Variants in FHIP1A observed in about 807,000 individuals in gnomAD.
The protein encoded by FHIP1A is FHF complex subunit HOOK-interacting protein 1A.
Under a neutral mutation model 88.6 loss-of-function variants are expected in FHIP1A, and 61 were observed. The observed-to-expected ratio is 0.69, with a 90% CI of 0.56 to 0.85. The LOEUF (loss-of-function observed/expected upper bound fraction) is 0.85. Among genes scored for constraint, FHIP1A ranks in the 40% least tolerant of loss-of-function variants. The probability of loss-of-function intolerance (pLI) is 0.00; values close to 1 mark genes in which losing one functional copy is unlikely to be tolerated. For synonymous variants in FHIP1A, 478 were observed against 496.0 expected (o/e 0.96, Z 0.48); for missense variants, 1,154 against 1,273.5 (o/e 0.91, Z 1.43).
intron 9 of FHIP1A, among the ~76,000 whole-genome samples, chr4:151,641,068 G>A (rs1186972641): frequency 1.3e-5 from 2 of 151,842 alleles, no homozygotes; most frequent in Admixed American, 6.6e-5. Context: ...AAAAAAAAAT[G>A]CCAGACCTGA....
chr4:151,520,617 A>G (rs1370314836), intron 3 of FHIP1A, among the ~76,000 whole-genome samples: 2 of 152,202 alleles, frequency 1.3e-5, no homozygotes, highest in African/African-American at 4.8e-5. Context: ...AACAAAATTC[A>G]AGACAAATAT....
rs1467514339 is a variant in FHIP1A at position 151,604,648 on chromosome 4, A to G, written c.978+15722A>G. Among the ~76,000 whole-genome samples the G allele has an allele frequency of 4.6e-5, 7 of 152,132 alleles. No individual in the cohort carries two copies. The East Asian group carries it at 1.4e-3, about 29-fold the overall frequency. The stretch of plus-strand genomic sequence containing the variant: ...CACATCACCTGAGGTCAGAAGTTTG[A>G]GACCAGCTTGGCCAACACAGTGAAA... On this transcript the variant is annotated intron_variant, in intron 7 of 13. Coordinates refer to ENST00000435205, the MANE Select transcript of FHIP1A (RefSeq NM_001109977.3).
At chr4:151,495,008 C>A (rs1730409421) in intron 3 of FHIP1A, among the ~76,000 whole-genome samples, 1 of 152,130 alleles carries the variant, frequency 6.6e-6, no homozygotes, top group Admixed American at 6.5e-5. Flanking sequence ...GGAAATGCTA[C>A]AGTTTTTTAT....
intron 7 of FHIP1A, among the ~76,000 whole-genome samples, chr4:151,600,967 CA>C (rs1734846189): frequency 6.6e-6 from 1 of 152,180 alleles, no homozygotes; most frequent in Admixed American, 6.5e-5. Context: ...GGGAAGAGGA[CA>C]AAGACCCCAC....
intron 1 of FHIP1A, among the ~76,000 whole-genome samples, chr4:151,413,135 C>T (rs1296008802): frequency 1.3e-5 from 2 of 152,016 alleles, no homozygotes; most frequent in Non-Finnish European, 2.9e-5. Context: ...TATAGCTGTG[C>T]AATAAAATTG....
At chr4:151,559,152 C>G (rs1235440163) in intron 3 of FHIP1A, among the ~76,000 whole-genome samples, 1 of 152,146 alleles carries the variant, frequency 6.6e-6, no homozygotes, top group South Asian at 2.1e-4. Context: ...ACTCTTTTAT[C>G]CCTACTCATA....
At chr4:151,413,540 C>T (rs1043216990) in intron 1 of FHIP1A, among the ~76,000 whole-genome samples, 5 of 152,082 alleles carry the variant, frequency 3.3e-5, no homozygotes, top group Non-Finnish European at 5.9e-5. Flanking sequence ...CTGCAACCTT[C>T]GCCTCTTGGG....
rs528211905 is a variant in FHIP1A, at chr4:151,571,767, T to C, written c.105+5403T>C. ...TTTTCTAAATATCTTAGTAAATTGA[T>C]GTTTGTTAACATTTCAAAAAGTTCT... On this transcript the variant is annotated intron_variant, in intron 4 of 13. Coordinates refer to ENST00000435205, the MANE Select transcript of FHIP1A (RefSeq NM_001109977.3). Among the ~76,000 whole-genome samples the C allele has an allele frequency of 2.0e-5, 3 of 152,358 alleles. No homozygotes were observed. The South Asian group carries it at 6.2e-4, about 32-fold the overall frequency.
chr4:151,489,805 G>A (rs1730217938), intron 3 of FHIP1A, among the ~76,000 whole-genome samples: 1 of 152,070 alleles, frequency 6.6e-6, no homozygotes, highest in Admixed American at 6.5e-5. Flanking sequence ...CTCAGTGGCC[G>A]CAGCAAATCC....
chr4:151,459,580 A>T (rs147442839), intron 2 of FHIP1A, among the ~76,000 whole-genome samples: 1,709 of 152,352 alleles, frequency 0.011, 16 homozygotes, highest in Non-Finnish European at 0.017. Context: ...AATATCATTT[A>T]AGAATTTGGC....
intron 3 of FHIP1A, among the ~76,000 whole-genome samples, chr4:151,495,599 TA>T (rs1730431718): frequency 6.6e-6 from 1 of 151,746 alleles, no homozygotes; most frequent in Non-Finnish European, 1.5e-5. Flanking sequence ...GAGTGATTTT[TA>T]TTATCTTTTT....
chr4:151,474,966 T>C (rs1213545411), intron 2 of FHIP1A, among the ~76,000 whole-genome samples: 1 of 152,224 alleles, frequency 6.6e-6, no homozygotes, highest in Non-Finnish European at 1.5e-5. Context: ...ACTTGTGCTT[T>C]AGAATTCATA....
At chr4:151,426,679 T>C (rs537485725) in intron 1 of FHIP1A, among the ~76,000 whole-genome samples, 4 of 152,258 alleles carry the variant, frequency 2.6e-5, no homozygotes, top group Non-Finnish European at 5.9e-5. Context: ...GAGGTCCCCA[T>C]CTTTCAGCTG....
chr4:151,570,635 A>T (rs1190877008), intron 4 of FHIP1A, among the ~76,000 whole-genome samples: 3 of 152,162 alleles, frequency 2.0e-5, no homozygotes, highest in African/African-American at 7.2e-5. Context: ...TTTTATTAAA[A>T]TTACATATAC....
intron 7 of FHIP1A, among the ~76,000 whole-genome samples, chr4:151,619,134 G>A (rs1007541198): frequency 8.5e-5 from 13 of 152,188 alleles, no homozygotes; most frequent in Non-Finnish European, 7.3e-5. Context: ...TTCCAGGACA[G>A]CCTTATTACT....
At chr4:151,431,296 C>T (rs1256406297) in intron 1 of FHIP1A, among the ~76,000 whole-genome samples, 5 of 152,026 alleles carry the variant, frequency 3.3e-5, no homozygotes, top group Non-Finnish European at 5.9e-5. Context: ...AGCCCTGGCC[C>T]GCCACTCCCT....
intron 8 of FHIP1A, among the ~76,000 whole-genome samples, chr4:151,634,234 G>A (rs1485805633): frequency 2.0e-5 from 3 of 151,704 alleles, no homozygotes; most frequent in Non-Finnish European, 4.4e-5. Context: ...CTTGTGCACT[G>A]AAAACTACAA....
chr4:151,513,180 G>A (rs1000428775), intron 3 of FHIP1A, among the ~76,000 whole-genome samples: 1 of 152,122 alleles, frequency 6.6e-6, no homozygotes, highest in African/African-American at 2.4e-5. Flanking sequence ...TTTCAACCCA[G>A]AATTTCATAT....
chr4:151,477,054 T>A (rs911398111), intron 2 of FHIP1A, among the ~76,000 whole-genome samples: 14 of 152,236 alleles, frequency 9.2e-5, no homozygotes, highest in Admixed American at 8.5e-4. Flanking sequence ...TGTGAATTAA[T>A]CTGTATTTTT....
Sources: allele counts gnomAD v4.1 joint callset (sites outside exome capture counted in the v4.1 genomes callset), GRCh38; gene constraint gnomAD v4.1.1; transcripts MANE v1.5; gene names NCBI Gene and HGNC (gene_info 2026-07-23, HGNC 2026-07-21).